The following USP6NL variants were observed in gnomAD, a reference collection of about 807,000 sequenced individuals.
The protein encoded by USP6NL is USP6 N-terminal like.
A neutral mutation model predicts 61.9 loss-of-function variants in USP6NL; 26 were observed. The ratio of observed to expected loss-of-function variants is 0.42; its 90% CI spans 0.31 to 0.58. USP6NL has a LOEUF of 0.58. Among genes scored for constraint, USP6NL ranks in the 20% least tolerant of loss-of-function variants. The pLI is 0.16. For synonymous variants in USP6NL, 432 were observed against 390.1 expected (o/e 1.11, Z -1.27); for missense variants, 1,114 against 1,034.3 (o/e 1.08, Z -1.06).
chr10:11,478,079 A>T lies in USP6NL; in HGVS notation c.1078+3691T>A, dbSNP rs1833041788. On this transcript the variant is annotated intron_variant, in intron 14 of 14. Coordinates refer to ENST00000609104, the MANE Select transcript of USP6NL (RefSeq NM_014688.5). The surrounding 1 kb of genome is among the most constrained non-coding windows in gnomAD (Gnocchi z 6.8). ...ATATATTGGCTACAAAAATATTATTAAAAGGATACCAAGAGTTTTCCTAAC... is the reference window on the plus strand; with the variant it reads ...ATATATTGGCTACAAAAATATTATTTAAAGGATACCAAGAGTTTTCCTAAC... 6.6e-6 allele frequency among the ~76,000 whole-genome samples: 1 copy of T among 152,264 alleles called. No homozygotes were observed. The highest frequency in any genetic ancestry group is 1.5e-5 in the Non-Finnish European group (1 of 68,038).
In USP6NL at chr10:11,490,736, G is replaced by A. The variant is rs1225623470; in HGVS notation, c.543+96C>T. 8.2e-7 allele frequency: 1 copy of A among 1,223,324 alleles called. No individual in the cohort carries two copies. Among genetic ancestry groups the A allele is most frequent in the Non-Finnish European group, 1.1e-6 (1 of 871,748 alleles). 75.8% of individuals were successfully genotyped at this position (1,223,324 alleles called of 1,614,324 possible). A position where few individuals can be genotyped will look rare whatever the true frequency, so the allele number is the denominator to read the frequency against. On this transcript the variant is annotated intron_variant, in intron 9 of 14. Coordinates refer to ENST00000609104, the MANE Select transcript of USP6NL (RefSeq NM_014688.5). This position sits in a 1 kb window ranked among gnomAD's most constrained non-coding sequence, Gnocchi z 4.5. ...CTAAAGAGACCATGGAGACCACCTA[G>A]CTCTGAGATGCAGAAATGTGCCCAC... is the stretch of plus-strand genomic sequence containing the variant.
chr10:11,562,653 T>G lies in USP6NL; in HGVS notation c.4+34978A>C. 1 of 985,450 alleles carries G rather than the reference T, an allele frequency of 1.0e-6. No individual in the cohort carries two copies. The highest frequency in any genetic ancestry group is 1.2e-6 in the Non-Finnish European group (1 of 829,930). 61.0% of individuals were successfully genotyped at this position (985,450 alleles called of 1,614,324 possible). A position where few individuals can be genotyped will look rare whatever the true frequency, so the allele number is the denominator to read the frequency against. ...ACAGTCCTCTAATTATTTGTGACACTCAACATTCATATGTTGTTAGCCACT... is the reference window on the plus strand; with the variant it reads ...ACAGTCCTCTAATTATTTGTGACACGCAACATTCATATGTTGTTAGCCACT... On this transcript the variant is annotated intron_variant, in intron 2 of 14. Transcript: ENST00000609104. The surrounding 1 kb of genome is among the most constrained non-coding windows in gnomAD (Gnocchi z 4.8).
intron 7 of USP6NL, among the ~76,000 whole-genome samples, chr10:11,494,201 T>G (rs995098441): frequency 1.3e-5 from 2 of 152,232 alleles, no homozygotes; most frequent in Non-Finnish European, 2.9e-5. Flanking sequence ...TGGCTTCCAG[T>G]GTTGCTATTC....
Position 11,462,959 on chromosome 10 carries a change from G to A in USP6NL, c.1969C>T (p.Gln657Ter). The change falls in exon 15 of 15, where the codon CAG becomes TAG. Residue 657 changes from glutamine to a stop codon, truncating the protein, a stop_gained. Transcript: ENST00000609104. LOFTEE classifies it low-confidence loss of function (END_TRUNC). Reference protein sequence around the residue: ...PTANSSFASPQFSPGTQLNPS... With the variant: ...PTANSSFASP The stretch of plus-strand genomic sequence containing the variant: ...TTCAGTTGAGTCCCAGGGCTAAACT[G>A]TGGAGAAGCAAAGCTGCTGTTGGCA... The A allele has an allele frequency of 6.2e-7, 1 of 1,613,852 alleles. No homozygotes were observed. Among genetic ancestry groups the A allele is most frequent in the African/African-American group, 1.3e-5 (1 of 75,034 alleles).
At chr10:11,570,184 T>G (rs1401853129) in intron 2 of USP6NL, among the ~76,000 whole-genome samples, 9 of 152,170 alleles carry the variant, frequency 5.9e-5, no homozygotes, top group African/African-American at 2.2e-4. Flanking sequence ...GTTAAGTACC[T>G]CCCCGCTTGA....
Position 11,465,142 on chromosome 10 carries a change from G to C in USP6NL, c.1079-1293C>G, listed in dbSNP as rs1240651490. 6.6e-6 allele frequency among the ~76,000 whole-genome samples: 1 copy of C among 152,128 alleles called. No homozygotes were observed. Among genetic ancestry groups the C allele is most frequent in the East Asian group, 1.9e-4 (1 of 5,196 alleles). Reference sequence around the variant, plus strand: ...ATTTATCAAGAAGATATAAAGACATGAATAATAGAAAGACTGAATTTATAA... The same window carrying C: ...ATTTATCAAGAAGATATAAAGACATCAATAATAGAAAGACTGAATTTATAA... On this transcript the variant is annotated intron_variant, in intron 14 of 14. Coordinates refer to ENST00000609104, the MANE Select transcript of USP6NL (RefSeq NM_014688.5). This position sits in a 1 kb window ranked among gnomAD's most constrained non-coding sequence, Gnocchi z 4.5.
chr10:11,519,724 C>A (rs1835126207), intron 4 of USP6NL, among the ~76,000 whole-genome samples: 1 of 152,170 alleles, frequency 6.6e-6, no homozygotes, highest in Non-Finnish European at 1.5e-5. Flanking sequence ...AGATCAAGTT[C>A]ATTTCTGACA....
In USP6NL at chr10:11,525,031, A is replaced by C. The variant is rs1312935599; in HGVS notation, c.155+355T>G. Among the ~76,000 whole-genome samples, 1 of 152,204 alleles carries C rather than the reference A, an allele frequency of 6.6e-6. No homozygotes were observed. The highest frequency in any genetic ancestry group is 1.5e-5 in the Non-Finnish European group (1 of 68,018). The stretch of plus-strand genomic sequence containing the variant: ...TAATTTTCAGGCTGCATAACACTAA[A>C]GTTCGAATTGCTATTTATTTTTAAA... On this transcript the variant is annotated intron_variant, in intron 4 of 14. Transcript: ENST00000609104. The surrounding 1 kb of genome is among the most constrained non-coding windows in gnomAD (Gnocchi z 5.0).
At chr10:11,498,402 G>A (rs1202949831) in intron 7 of USP6NL, among the ~76,000 whole-genome samples, 1 of 151,264 alleles carries the variant, frequency 6.6e-6, no homozygotes, top group African/African-American at 2.4e-5. Context: ...ATAAAAATGA[G>A]ATAACAGAAG....
At chr10:11,550,237 A>G (rs1836432709) in intron 2 of USP6NL, among the ~76,000 whole-genome samples, 2 of 152,236 alleles carry the variant, frequency 1.3e-5, no homozygotes, top group Admixed American at 1.3e-4. Context: ...TTTTTAACCA[A>G]AAATAGCACA....
At chr10:11,493,468 GTCTA>G (rs1376046632) in intron 7 of USP6NL, among the ~76,000 whole-genome samples, 5 of 151,680 alleles carry the variant, frequency 3.3e-5, no homozygotes, top group Non-Finnish European at 5.9e-5. Context: ...CTTCCATCCT[GTCTA>G]TCTAGTTAAT....
intron 13 of USP6NL, among the ~76,000 whole-genome samples, chr10:11,484,271 A>G (rs1055921886): frequency 6.6e-6 from 1 of 152,192 alleles, no homozygotes; most frequent in African/African-American, 2.4e-5. Flanking sequence ...GCTGAATTGA[A>G]ACTTTAAAGA....
rs750244541 is a variant in USP6NL, at chr10:11,527,528, C to T, written c.44G>A (p.Arg15Gln). 9 of 1,608,764 alleles carry T rather than the reference C, an allele frequency of 5.6e-6. No homozygotes were observed. Among genetic ancestry groups the T allele is most frequent in the Non-Finnish European group, 7.6e-6 (9 of 1,177,412 alleles). The change falls in exon 3 of 15, where the codon CGA (arginine) becomes CAA (glutamine). Residue 15 changes from arginine to glutamine, a missense_variant. Arg to Gln is a conservative substitution (Grantham distance 43). Coordinates refer to ENST00000609104, the MANE Select transcript of USP6NL (RefSeq NM_014688.5). ...QDVALKLAQERAEIVAKYDRG... is the reference protein window; with the variant it reads ...QDVALKLAQEQAEIVAKYDRG... ...GTCATATTTAGCAACTATTTCAGCT[C>T]GCTCCTGGGCAAGTTTGAGTGCTAC... is the stretch of plus-strand genomic sequence containing the variant.
At chr10:11,608,972 C>T (rs555252414) in intron 1 of USP6NL, among the ~76,000 whole-genome samples, 1 of 152,322 alleles carries the variant, frequency 6.6e-6, no homozygotes, top group South Asian at 2.1e-4. Flanking sequence ...GTGACTTCCA[C>T]TGTAAATACA....
rs1407017166 is a variant in USP6NL, at chr10:11,485,637, T to C, written c.759+180A>G. On this transcript the variant is annotated intron_variant, in intron 11 of 14. Coordinates refer to ENST00000609104, the MANE Select transcript of USP6NL (RefSeq NM_014688.5). This position sits in a 1 kb window ranked among gnomAD's most constrained non-coding sequence, Gnocchi z 4.8. Reference sequence around the variant, plus strand: ...TCCCTCAGTAAGAACTGTGATAGCCTGTCAATATTAAATTTTACAAATCTA... The same window carrying C: ...TCCCTCAGTAAGAACTGTGATAGCCCGTCAATATTAAATTTTACAAATCTA... Among the ~76,000 whole-genome samples the C allele has an allele frequency of 1.3e-5, 2 of 152,208 alleles. No individual in the cohort carries two copies. Among genetic ancestry groups the C allele is most frequent in the Non-Finnish European group, 2.9e-5 (2 of 68,024 alleles).
In USP6NL at chr10:11,495,756, C is replaced by A. The variant is rs562816177; in HGVS notation, c.385-2528G>T. On this transcript the variant is annotated intron_variant, in intron 7 of 14. Transcript: ENST00000609104. This position sits in a 1 kb window ranked among gnomAD's most constrained non-coding sequence, Gnocchi z 4.6. ...CTCTTCTTTACACTATAATCTGTTT[C>A]TTACAAGCTGCTTTCTTCATTTGCT... 3.9e-5 allele frequency among the ~76,000 whole-genome samples: 6 copies of A among 152,306 alleles called. No homozygotes were observed. In the East Asian group the frequency reaches 1.2e-3, roughly 29 times the overall value.
intron 2 of USP6NL, among the ~76,000 whole-genome samples, chr10:11,545,050 T>C (rs1445306270): frequency 2.0e-5 from 3 of 152,210 alleles, no homozygotes; most frequent in Admixed American, 6.5e-5. Context: ...AGGACACTTA[T>C]TTTTCACTCT....
intron 2 of USP6NL, among the ~76,000 whole-genome samples, chr10:11,590,260 T>C (rs1180557752): frequency 6.6e-6 from 1 of 151,980 alleles, no homozygotes; most frequent in African/African-American, 2.4e-5. Flanking sequence ...AAAATACTAT[T>C]TTAGATCAAT....
rs1324058812 is a variant in USP6NL, at chr10:11,574,020, T to C, written c.4+23611A>G. Among the ~76,000 whole-genome samples the C allele has an allele frequency of 1.3e-5, 2 of 151,986 alleles. No individual in the cohort carries two copies. Among genetic ancestry groups the C allele is most frequent in the African/African-American group, 4.8e-5 (2 of 41,368 alleles). On this transcript the variant is annotated intron_variant, in intron 2 of 14. Coordinates refer to ENST00000609104, the MANE Select transcript of USP6NL (RefSeq NM_014688.5). This position sits in a 1 kb window ranked among gnomAD's most constrained non-coding sequence, Gnocchi z 4.3. ...ATCTTCTGTAAATCACTAAGCAAAG[T>C]GAAAACATTTTCTCACAAAAGCCAT...
Sources: gnomAD v4.1 joint callset for allele counts (sites outside exome capture counted in the v4.1 genomes callset) on GRCh38, gnomAD v4.1.1 for gene constraint, Gnocchi (gnomAD v3.1) non-coding constraint, MANE v1.5 for transcripts, NCBI Gene and HGNC (gene_info 2026-07-23, HGNC 2026-07-21) for gene names.